TUSC3: variants seen among roughly 807,000 people sequenced by gnomAD.
The protein encoded by TUSC3 is tumor suppressor candidate 3.
TUSC3 carries 45 observed loss-of-function variants against 44.8 expected under a neutral mutation model. The observed-to-expected ratio is 1.00, with a 90% CI of 0.79 to 1.29. The LOEUF is 1.29. Ranked by LOEUF, TUSC3 falls within the 50% of genes most tolerant of loss-of-function variation. TUSC3 has a pLI of 0.00. For synonymous variants in TUSC3, 212 were observed against 152.9 expected, an observed-to-expected ratio of 1.39 and a Z score of -2.85; for missense variants, 519 against 437.9, an observed-to-expected ratio of 1.19 and a Z score of -1.65.
intron 1 of TUSC3, among the ~76,000 whole-genome samples, chr8:15,589,604 T>G (rs1024642509): frequency 8.5e-5 from 13 of 152,202 alleles, no homozygotes; most frequent in Non-Finnish European, 1.8e-4. Context: ...TTATAAGTAA[T>G]GTACTAGATC....
At chr8:15,825,413 C>G in the TUSC3 span, among the ~76,000 whole-genome samples, 2 of 152,188 alleles carry the variant, frequency 1.3e-5, no homozygotes, top group African/African-American at 4.8e-5. Flanking sequence ...AGAAAACCAT[C>G]ATATTTTTGT....
In TUSC3 at chr8:15,623,162, G is replaced by C; in HGVS notation, c.221G>C (p.Arg74Pro). ...TTCCGAATGAATGGTGATAAATTCC[G>C]AAAATTTATAAAGGCACCACCTCGA... is the stretch of plus-strand genomic sequence containing the variant. ...SIFRMNGDKF[R>P]KFIKAPPRNY... The change falls in exon 2 of 11, where the codon CGA becomes CCA. Residue 74 changes from arginine (R) to proline (P), a missense_variant. By Grantham distance (103) the Arg-to-Pro change is moderately radical (BLOSUM62 -2). Transcript: ENST00000503731. 6.2e-7 allele frequency: 1 copy of C among 1,613,714 alleles called. No individual in the cohort carries two copies. The highest frequency in any genetic ancestry group is 1.1e-5 in the South Asian group (1 of 91,010).
the TUSC3 span, among the ~76,000 whole-genome samples, chr8:15,827,029 T>C: frequency 1.3e-5 from 2 of 152,202 alleles, no homozygotes; most frequent in African/African-American, 4.8e-5. Context: ...ATTGTCCAGC[T>C]GGATATTCAA....
intron 2 of TUSC3, among the ~76,000 whole-genome samples, chr8:15,529,344 TATTAA>T (rs1289876949): frequency 6.6e-6 from 1 of 152,202 alleles, no homozygotes; most frequent in Non-Finnish European, 1.5e-5. Context: ...TGATAAATGC[TATTAA>T]ATTATATGAA....
intron 2 of TUSC3, among the ~76,000 whole-genome samples, chr8:15,483,649 A>ATTTTTTTTTTTTTGTTTTT (rs1800694782): frequency 1.5e-5 from 1 of 66,166 alleles, no homozygotes. Context: ...TAGCACTGTG[A>ATTTTTTTTTTTTTGTTTTT]TTTTTTTTTT....
intron 2 of TUSC3, among the ~76,000 whole-genome samples, chr8:15,534,318 G>A (rs1801492460): frequency 6.6e-6 from 1 of 152,070 alleles, no homozygotes; most frequent in African/African-American, 2.4e-5. Context: ...CAAAACTAGG[G>A]TTAAATTTCT....
At chr8:15,647,280 C>A (rs948648093) in intron 2 of TUSC3, among the ~76,000 whole-genome samples, 1 of 152,110 alleles carries the variant, frequency 6.6e-6, no homozygotes, top group Non-Finnish European at 1.5e-5. Flanking sequence ...TTGTTGATAA[C>A]CCCTGACCCG....
downstream of TUSC3, among the ~76,000 whole-genome samples, chr8:15,767,728 G>T (rs561176407): frequency 6.6e-6 from 1 of 152,058 alleles, no homozygotes; most frequent in Non-Finnish European, 1.5e-5. Context: ...TCTTGCCTTC[G>T]GTTGACGTAA....
chr8:15,735,589 G>A (rs17121857), intron 7 of TUSC3, among the ~76,000 whole-genome samples: 3,394 of 152,308 alleles, frequency 0.022, 100 homozygotes, highest in African/African-American at 0.076. Flanking sequence ...CAAAACCTCT[G>A]TGGTGAATAG....
Position 15,650,829 on chromosome 8 carries a change from C to G in TUSC3, c.426+15C>G. On this transcript the variant is annotated intron_variant, in intron 3 of 10. Coordinates refer to ENST00000503731, the MANE Select transcript of TUSC3 (RefSeq NM_006765.4). Reference sequence around the variant, plus strand: ...TTTTTCAGCAGGTAAAGAGTTATATCGTATTCATATATTTAACATAGTTGT... The same window carrying G: ...TTTTTCAGCAGGTAAAGAGTTATATGGTATTCATATATTTAACATAGTTGT... The G allele has an allele frequency of 6.3e-7, 1 of 1,597,402 alleles. No individual in the cohort carries two copies. The highest frequency in any genetic ancestry group is 8.6e-7 in the Non-Finnish European group (1 of 1,164,836).
chr8:15,798,561 C>G, the TUSC3 span, among the ~76,000 whole-genome samples: 1 of 152,034 alleles, frequency 6.6e-6, no homozygotes, highest in African/African-American at 2.4e-5. Flanking sequence ...TCACATTTAC[C>G]TTCAGTTTTG....
chr8:15,742,845 T>C (rs1286483116), intron 7 of TUSC3, among the ~76,000 whole-genome samples: 1 of 152,244 alleles, frequency 6.6e-6, no homozygotes, highest in Non-Finnish European at 1.5e-5. Flanking sequence ...AGAATGTTTT[T>C]ATGAAGATGA....
At chr8:15,548,748 A>C (rs574957092) in intron 1 of TUSC3, among the ~76,000 whole-genome samples, 1 of 151,816 alleles carries the variant, frequency 6.6e-6, no homozygotes, top group Non-Finnish European at 1.5e-5. Context: ...TTTGCCCATG[A>C]CTGTACAACT....
intron 1 of TUSC3, among the ~76,000 whole-genome samples, chr8:15,583,882 G>T (rs1379912370): frequency 1.3e-5 from 2 of 152,162 alleles, no homozygotes; most frequent in South Asian, 2.1e-4. Context: ...TTAAAATGAG[G>T]ATGTAGTTTT....
At chr8:15,751,948 T>C (rs998310767) in intron 9 of TUSC3, among the ~76,000 whole-genome samples, 1 of 152,162 alleles carries the variant, frequency 6.6e-6, no homozygotes, top group Non-Finnish European at 1.5e-5. Flanking sequence ...GATAAAGGAT[T>C]TCACAATTGC....
downstream of TUSC3, among the ~76,000 whole-genome samples, chr8:15,768,079 A>C (rs1812377055): frequency 6.6e-6 from 1 of 152,170 alleles, no homozygotes. Context: ...AACAGTGGTA[A>C]ACAGCCCAGA....
chr8:15,783,176 C>G, the TUSC3 span, among the ~76,000 whole-genome samples: 1,483 of 152,108 alleles, frequency 9.7e-3, 28 homozygotes, highest in African/African-American at 0.035. Flanking sequence ...TTACTGAAAA[C>G]TATAAAATAT....
chr8:15,759,221 G>T (rs1462380741), intron 10 of TUSC3, among the ~76,000 whole-genome samples: 1 of 151,984 alleles, frequency 6.6e-6, no homozygotes, highest in Non-Finnish European at 1.5e-5. Flanking sequence ...ACCTTTTTTG[G>T]ATACCAAATG....
the TUSC3 span, among the ~76,000 whole-genome samples, chr8:15,815,240 TTAA>T: frequency 6.6e-6 from 1 of 151,878 alleles, no homozygotes; most frequent in Admixed American, 6.6e-5. Flanking sequence ...AGATAGACTA[TTAA>T]TAGAGAGATC....
Sources: gnomAD v4.1 joint callset for allele counts (sites outside exome capture counted in the v4.1 genomes callset) on GRCh38, gnomAD v4.1.1 for gene constraint, MANE v1.5 for transcripts, NCBI Gene and HGNC (gene_info 2026-07-23, HGNC 2026-07-21) for gene names.